SNX29: variants seen among roughly 807,000 people sequenced by gnomAD.
SNX29 encodes the protein sorting nexin-29.
Under a neutral mutation model 102.1 loss-of-function variants are expected in SNX29, and 78 were observed. That is an observed-to-expected ratio of 0.76 (90% CI 0.64 to 0.92). The LOEUF is 0.92. Ranked by LOEUF, SNX29 falls within the 40% of genes least tolerant of loss-of-function variation. The pLI is 0.00. For missense variants in SNX29, 1,280 were observed against 1,061.7 expected (o/e 1.21, Z -2.86); for synonymous variants, 580 against 414.5 (o/e 1.40, Z -4.85).
At chr16:12,135,104 T>G (rs1009050873) in intron 13 of SNX29, among the ~76,000 whole-genome samples, 1 of 152,170 alleles carries the variant, frequency 6.6e-6, no homozygotes, top group African/African-American at 2.4e-5. Flanking sequence ...CTCACCTTCT[T>G]TTTCTTCTAC....
intron 18 of SNX29, among the ~76,000 whole-genome samples, chr16:12,476,716 A>C (rs187003629): frequency 6.6e-6 from 1 of 151,974 alleles, no homozygotes; most frequent in Admixed American, 6.6e-5. Context: ...TCGTGGTTTT[A>C]GTCTCTAGTC....
At chr16:12,018,821 C>T (rs1282417205) in intron 3 of SNX29, among the ~76,000 whole-genome samples, 1 of 151,016 alleles carries the variant, frequency 6.6e-6, no homozygotes, top group Non-Finnish European at 1.5e-5. Context: ...CTCCTGGGCT[C>T]AAGCTGTTCT....
chr16:12,163,956 G>C (rs1567267933), intron 13 of SNX29, among the ~76,000 whole-genome samples: 1 of 152,158 alleles, frequency 6.6e-6, no homozygotes, highest in East Asian at 1.9e-4. Context: ...TGAAAAATGA[G>C]GTCACAGGTA....
At chr16:12,225,232 C>G (rs937685868) in intron 14 of SNX29, among the ~76,000 whole-genome samples, 1 of 152,080 alleles carries the variant, frequency 6.6e-6, no homozygotes, top group Non-Finnish European at 1.5e-5. Flanking sequence ...CTTTAAGGGA[C>G]ATCTTTTTTA....
At chr16:12,121,272 CTCTACTTGGATTGTTTGGCTG>C (rs1164793288) in intron 11 of SNX29, among the ~76,000 whole-genome samples, 1 of 152,228 alleles carries the variant, frequency 6.6e-6, no homozygotes, top group African/African-American at 2.4e-5. Flanking sequence ...AATCACTGAA[CTCTACTTGGATTGTTTGGCTG>C]TGAGGACACA....
chr16:12,013,503 ATATATATATATATATAT>A lies in SNX29; in HGVS notation c.122+10461_122+10477del, dbSNP rs2056741339. Among the ~76,000 whole-genome samples the A allele has an allele frequency of 8.3e-4, 47 of 56,630 alleles. 6 individuals are homozygous for A. Among genetic ancestry groups the A allele is most frequent in the South Asian group, 3.4e-3 (5 of 1,476 alleles). The allele number at this position is 56,630 out of a possible 152,430, so 37.2% of individuals were successfully genotyped here. ...TCTACTGGGGGAAAAAAAAAAAAAT[ATATATATATATATATAT>A]ATATATATATATATATATATATCGA... On this transcript the variant is annotated intron_variant, in intron 3 of 20. Coordinates refer to ENST00000566228, the MANE Select transcript of SNX29 (RefSeq NM_032167.5).
At chr16:12,344,344 C>G (rs16959256) in intron 15 of SNX29, among the ~76,000 whole-genome samples, 54 of 152,248 alleles carry the variant, frequency 3.5e-4, no homozygotes, top group Non-Finnish European at 5.0e-4. Context: ...TCCAATCCCA[C>G]GGCCTTTAGT....
At chr16:12,318,164 G>A (rs911633185) in intron 15 of SNX29, among the ~76,000 whole-genome samples, 2 of 152,218 alleles carry the variant, frequency 1.3e-5, no homozygotes, top group Non-Finnish European at 2.9e-5. Context: ...CAGAGAGGGC[G>A]GCAGAGCCAG....
At chr16:12,245,644 C>A (rs961547076) in intron 14 of SNX29, among the ~76,000 whole-genome samples, 1 of 152,126 alleles carries the variant, frequency 6.6e-6, no homozygotes, top group African/African-American at 2.4e-5. Flanking sequence ...GCCTCCCTTG[C>A]TACCACTCCT....
intron 15 of SNX29, among the ~76,000 whole-genome samples, chr16:12,286,911 C>G (rs938430131): frequency 5.3e-5 from 8 of 152,162 alleles, no homozygotes; most frequent in Non-Finnish European, 8.8e-5. Context: ...CCCCACATTA[C>G]TGCAATACCA....
chr16:12,525,133 A>G (rs2076743445), intron 20 of SNX29, among the ~76,000 whole-genome samples: 1 of 152,156 alleles, frequency 6.6e-6, no homozygotes. Context: ...GATCAAGGGA[A>G]GATTAATTTT....
At chr16:12,220,433 A>G (rs2077446746) in intron 14 of SNX29, among the ~76,000 whole-genome samples, 1 of 152,064 alleles carries the variant, frequency 6.6e-6, no homozygotes, top group African/African-American at 2.4e-5. Flanking sequence ...TGAGAGATGA[A>G]CTGGAGAGAC....
intron 14 of SNX29, among the ~76,000 whole-genome samples, chr16:12,247,782 A>AG (rs1296782809): frequency 1.3e-5 from 2 of 152,230 alleles, no homozygotes; most frequent in Non-Finnish European, 2.9e-5. Context: ...TGGCATTCTC[A>AG]GGAAGTACTG....
chr16:12,194,742 T>C (rs2076728597), intron 13 of SNX29, among the ~76,000 whole-genome samples: 1 of 151,324 alleles, frequency 6.6e-6, no homozygotes, highest in Non-Finnish European at 1.5e-5. Context: ...TTCTTGTGTC[T>C]CAGCCTCCCG....
intron 20 of SNX29, among the ~76,000 whole-genome samples, chr16:12,542,746 A>C (rs1167819244): frequency 7.3e-6 from 1 of 137,658 alleles, no homozygotes; most frequent in African/African-American, 2.7e-5. Context: ...TATAAGCACT[A>C]GACTATCACT....
intron 11 of SNX29, chr16:12,088,137 A>G (rs750719779): frequency 1.1e-5 from 5 of 456,568 alleles, no homozygotes; most frequent in Middle Eastern, 3.2e-4. Context: ...GCACCAGCTC[A>G]GTCTCTGCAG....
At chr16:12,377,621 T>C (rs932848356) in intron 16 of SNX29, among the ~76,000 whole-genome samples, 1 of 152,126 alleles carries the variant, frequency 6.6e-6, no homozygotes, top group African/African-American at 2.4e-5. Context: ...CAGAGATGTG[T>C]GCGCCCGGTA....
At position 12,572,057 on chromosome 16, in the gene SNX29, A is replaced by C; in HGVS notation, c.*3428A>C. ...ATCCAGTGGAGTTGTAAACAAGGGAACCATCTTGCAAGATCTAGGAAGAGG... is the reference window on the plus strand; with the variant it reads ...ATCCAGTGGAGTTGTAAACAAGGGACCCATCTTGCAAGATCTAGGAAGAGG... On this transcript the variant is annotated 3_prime_UTR_variant, in exon 21 of 21. Coordinates refer to ENST00000566228, the MANE Select transcript of SNX29 (RefSeq NM_032167.5). 9.4e-7 allele frequency: 1 copy of C among 1,062,880 alleles called. No homozygotes were observed. The highest frequency in any genetic ancestry group is 1.1e-6 in the Non-Finnish European group (1 of 877,764). The allele number at this position is 1,062,880 out of a possible 1,614,324, so 65.8% of individuals were successfully genotyped here. A position where few individuals can be genotyped will look rare whatever the true frequency, so the allele number is the denominator to read the frequency against.
chr16:12,287,608 T>C (rs765266936), intron 15 of SNX29, among the ~76,000 whole-genome samples: 3 of 152,216 alleles, frequency 2.0e-5, no homozygotes, highest in Non-Finnish European at 4.4e-5. Flanking sequence ...AAGGACTGTC[T>C]TTTTAAAACA....
Sources: allele counts gnomAD v4.1 joint callset (sites outside exome capture counted in the v4.1 genomes callset), GRCh38; gene constraint gnomAD v4.1.1; transcripts MANE v1.5; gene names NCBI Gene and HGNC (gene_info 2026-07-23, HGNC 2026-07-21).